Variants in TENM2 observed in about 807,000 individuals in gnomAD.
TENM2 encodes the protein teneurin transmembrane protein 2.
In TENM2, 52 loss-of-function variants were observed where a neutral mutation model predicts 245.2. The observed-to-expected ratio is 0.21, with a 90% CI of 0.17 to 0.27. The LOEUF is 0.27. TENM2 is among the 10% of genes least tolerant of loss of function. The pLI, the probability that TENM2 is intolerant of heterozygous loss-of-function variation, is 1.00. For missense variants in TENM2, 3,046 were observed against 3,666.8 expected, an observed-to-expected ratio of 0.83 and a Z score of 4.37; for synonymous variants, 1,363 against 1,438.9, an observed-to-expected ratio of 0.95 and a Z score of 1.19.
At position 167,536,383 on chromosome 5, in the gene TENM2, T is replaced by G. The variant is rs541625296; in HGVS notation, c.502+160910T>G. Among the ~76,000 whole-genome samples the G allele has an allele frequency of 1.8e-4, 28 of 152,234 alleles. No individual in the cohort carries two copies. In the South Asian group the frequency reaches 5.4e-3, roughly 29 times the overall value. On this transcript the variant is annotated intron_variant, in intron 2 of 28. Transcript: ENST00000518659. ...TTTATAAAGATAATGATCAGCAAACTTATTCTATAAAGGGCCAGATAGTAA... is the reference window on the plus strand; with the variant it reads ...TTTATAAAGATAATGATCAGCAAACGTATTCTATAAAGGGCCAGATAGTAA...
At chr5:167,017,798 G>A in the TENM2 span, among the ~76,000 whole-genome samples, 18 of 152,048 alleles carry the variant, frequency 1.2e-4, no homozygotes, top group Non-Finnish European at 2.1e-4. Flanking sequence ...GTCTTATTGC[G>A]TGATGCCATA....
intron 2 of TENM2, among the ~76,000 whole-genome samples, chr5:167,673,577 CA>C (rs1756107043): frequency 6.6e-6 from 1 of 151,960 alleles, no homozygotes; most frequent in Non-Finnish European, 1.5e-5. Flanking sequence ...TTTAGCATAC[CA>C]AATGCTTGTA....
chr5:168,035,950 T>A (rs541241616), intron 5 of TENM2, among the ~76,000 whole-genome samples: 1 of 152,180 alleles, frequency 6.6e-6, no homozygotes, highest in Non-Finnish European at 1.5e-5. Context: ...AGGAGATGCA[T>A]TGAGAAAGTT....
At chr5:167,378,594 A>C (rs1242863447) in intron 2 of TENM2, among the ~76,000 whole-genome samples, 1 of 152,104 alleles carries the variant, frequency 6.6e-6, no homozygotes, top group African/African-American at 2.4e-5. Context: ...AGCCCGGCCA[A>C]GTTTTTGCTG....
At chr5:167,598,206 G>T (rs1776356833) in intron 2 of TENM2, among the ~76,000 whole-genome samples, 1 of 152,168 alleles carries the variant, frequency 6.6e-6, no homozygotes, top group Admixed American at 6.5e-5. Flanking sequence ...TTAGAGGAAG[G>T]CATATGGTTA....
intron 2 of TENM2, among the ~76,000 whole-genome samples, chr5:167,563,064 G>A (rs1055273237): frequency 2.0e-5 from 3 of 152,024 alleles, no homozygotes; most frequent in Non-Finnish European, 2.9e-5. Flanking sequence ...ACATGCCTAG[G>A]TACTGTAGCA....
intron 2 of TENM2, among the ~76,000 whole-genome samples, chr5:167,495,747 C>T (rs1355031616): frequency 6.6e-6 from 1 of 151,762 alleles, no homozygotes; most frequent in African/African-American, 2.4e-5. Context: ...TGGTGTGCTA[C>T]CTAAAAACAA....
chr5:167,997,508 T>G (rs1784142702), intron 5 of TENM2, among the ~76,000 whole-genome samples: 1 of 152,186 alleles, frequency 6.6e-6, no homozygotes, highest in Non-Finnish European at 1.5e-5. Flanking sequence ...GCAAACATTT[T>G]CTGCAAAAAG....
chr5:168,140,050 C>T (rs1409415140), intron 12 of TENM2, among the ~76,000 whole-genome samples: 2 of 152,236 alleles, frequency 1.3e-5, no homozygotes, highest in Non-Finnish European at 2.9e-5. Flanking sequence ...AGTGAGGAAG[C>T]ATCATTTGCC....
intron 2 of TENM2, among the ~76,000 whole-genome samples, chr5:167,380,523 T>A (rs1220374071): frequency 6.6e-6 from 1 of 152,164 alleles, no homozygotes; most frequent in Non-Finnish European, 1.5e-5. Flanking sequence ...AGTGGCATGG[T>A]CTTTAGTTAT....
At chr5:167,064,062 G>A in the TENM2 span, among the ~76,000 whole-genome samples, 11 of 152,310 alleles carry the variant, frequency 7.2e-5, no homozygotes, top group East Asian at 2.1e-3. Flanking sequence ...TGTAATGGAT[G>A]GCAGGCATGT....
the TENM2 span, among the ~76,000 whole-genome samples, chr5:167,150,448 T>A: frequency 1.1e-4 from 16 of 152,292 alleles, no homozygotes; most frequent in African/African-American, 3.9e-4. Context: ...GAGTGTATTA[T>A]TTTGATTTCA....
At chr5:167,700,133 A>G (rs946418679) in intron 2 of TENM2, among the ~76,000 whole-genome samples, 1 of 152,230 alleles carries the variant, frequency 6.6e-6, no homozygotes, top group African/African-American at 2.4e-5. Flanking sequence ...CTGAAAAGAT[A>G]GAACAGGCTT....
chr5:167,672,514 T>A (rs189832456), intron 2 of TENM2, among the ~76,000 whole-genome samples: 1 of 152,052 alleles, frequency 6.6e-6, no homozygotes, highest in Non-Finnish European at 1.5e-5. Flanking sequence ...ATGGATCACA[T>A]ACATACCCCA....
At chr5:167,888,509 A>C (rs779145312) in intron 3 of TENM2, among the ~76,000 whole-genome samples, 1 of 152,216 alleles carries the variant, frequency 6.6e-6, no homozygotes, top group African/African-American at 2.4e-5. Context: ...CCTTTCTCAC[A>C]TGCTGGCTCC....
At chr5:166,995,442 T>C in the TENM2 span, among the ~76,000 whole-genome samples, 1 of 151,818 alleles carries the variant, frequency 6.6e-6, no homozygotes, top group Admixed American at 6.6e-5. Flanking sequence ...AGGGTTTCAC[T>C]GTGTTAGCCA....
chr5:167,308,829 A>T (rs532745249), intron 1 of TENM2, among the ~76,000 whole-genome samples: 9 of 152,148 alleles, frequency 5.9e-5, no homozygotes, highest in Middle Eastern at 3.2e-3. Context: ...CCATTTCTCT[A>T]GTTTCTAACG....
chr5:167,451,160 G>C (rs1007075113), intron 2 of TENM2, among the ~76,000 whole-genome samples: 2 of 152,120 alleles, frequency 1.3e-5, no homozygotes, highest in African/African-American at 4.8e-5. Context: ...AGCTAGTTCT[G>C]TTTTCCCTGA....
chr5:167,009,269 T>G, the TENM2 span, among the ~76,000 whole-genome samples: 3 of 152,204 alleles, frequency 2.0e-5, no homozygotes, highest in Admixed American at 2.0e-4. Context: ...CATTCTCTCC[T>G]GTTATAAACC....
Sources: gnomAD v4.1 joint callset for allele counts (sites outside exome capture counted in the v4.1 genomes callset) on GRCh38, gnomAD v4.1.1 for gene constraint, MANE v1.5 for transcripts, NCBI Gene and HGNC (gene_info 2026-07-23, HGNC 2026-07-21) for gene names.